Variants in CHMP2B observed in about 807,000 individuals in gnomAD.
CHMP2B encodes charged multivesicular body protein 2B, also known as VPS2 homolog B.
Under a neutral mutation model 29.8 loss-of-function variants are expected in CHMP2B, and 22 were observed. The observed-to-expected ratio is 0.74, with a 90% CI of 0.53 to 1.05. The LOEUF is 1.05. Among genes scored for constraint, CHMP2B ranks in the 50% least tolerant of loss-of-function variants. The pLI is 0.00. For missense variants in CHMP2B, 261 were observed against 252.2 expected, an observed-to-expected ratio of 1.03 and a Z score of -0.24; for synonymous variants, 78 against 75.8, an observed-to-expected ratio of 1.03 and a Z score of -0.15.
chr3:87,237,395 A>G (rs1181360318), intron 1 of CHMP2B, among the ~76,000 whole-genome samples: 3 of 152,232 alleles, frequency 2.0e-5, no homozygotes, highest in Non-Finnish European at 4.4e-5. Context: ...ATCTGAGAAC[A>G]CAGCAAGAAG....
In CHMP2B at chr3:87,255,186, T is replaced by TA. The variant is rs1481000973; in HGVS notation, c.*1365dup. On this transcript the variant is annotated 3_prime_UTR_variant, in exon 6 of 6. Transcript: ENST00000263780. ...GACAAAATACATCTTAGGACTAGTA[T>TA]ACATGTGACACGGATTGCTAGGAGG... is the stretch of plus-strand genomic sequence containing the variant. 3 of 152,204 alleles carry TA rather than the reference T, an allele frequency of 2.0e-5. No homozygotes were observed. Among genetic ancestry groups the TA allele is most frequent in the Admixed American group, 2.0e-4 (3 of 15,242 alleles). The allele number at this position is 152,204 out of a possible 1,614,324, so 9.4% of individuals were successfully genotyped here. A position where few individuals can be genotyped will look rare whatever the true frequency, so the allele number is the denominator to read the frequency against.
chr3:87,250,655 T>C (rs1219158422), intron 4 of CHMP2B, among the ~76,000 whole-genome samples: 1 of 151,984 alleles, frequency 6.6e-6, no homozygotes, highest in African/African-American at 2.4e-5. Context: ...TTTTAAAAAA[T>C]AGCTTTAATA....
chr3:87,251,200 GTAA>G (rs1706308602), intron 4 of CHMP2B, among the ~76,000 whole-genome samples: 1 of 151,688 alleles, frequency 6.6e-6, no homozygotes, highest in Admixed American at 6.6e-5. Context: ...ATTCTTGGTT[GTAA>G]TAATACTGTA....
At chr3:87,230,452 T>A (rs1032723359) in intron 1 of CHMP2B, among the ~76,000 whole-genome samples, 6 of 152,224 alleles carry the variant, frequency 3.9e-5, no homozygotes, top group African/African-American at 1.4e-4. Flanking sequence ...TTATTACTTT[T>A]TTCTTATTAG....
intron 3 of CHMP2B, among the ~76,000 whole-genome samples, chr3:87,249,167 A>G (rs1706268639): frequency 6.6e-6 from 1 of 152,204 alleles, no homozygotes; most frequent in Non-Finnish European, 1.5e-5. Flanking sequence ...TAATGGTTTA[A>G]GTACCTGTGT....
At chr3:87,236,717 C>A (rs552391194) in intron 1 of CHMP2B, among the ~76,000 whole-genome samples, 175 of 152,044 alleles carry the variant, frequency 1.2e-3, no homozygotes, top group African/African-American at 4.1e-3. Flanking sequence ...CAAAAATTAG[C>A]CAGGCATGGT....
intron 4 of CHMP2B, among the ~76,000 whole-genome samples, chr3:87,252,569 A>T (rs1706334742): frequency 6.6e-6 from 1 of 151,832 alleles, no homozygotes; most frequent in South Asian, 2.1e-4. Context: ...TCCCAGTTGG[A>T]TGTGATCTCC....
intron 1 of CHMP2B, among the ~76,000 whole-genome samples, chr3:87,236,536 A>G (rs540380393): frequency 1.3e-5 from 2 of 152,170 alleles, no homozygotes; most frequent in East Asian, 3.9e-4. Flanking sequence ...CTTTCTGAGC[A>G]GTATTGTTGT....
chr3:87,227,325 C>T lies in CHMP2B; in HGVS notation c.-198C>T. ...AAAAAGTGTGTTAGTTCCCGGTCAC[C>T]TGAGCTCCGGGTGACGCGGCTGCGG... On this transcript the variant is annotated 5_prime_UTR_variant, in exon 1 of 6. Transcript: ENST00000263780. 1.6e-6 allele frequency: 1 copy of T among 634,056 alleles called. No individual in the cohort carries two copies. Among genetic ancestry groups the T allele is most frequent in the Non-Finnish European group, 2.8e-6 (1 of 353,938 alleles). 39.3% of individuals were successfully genotyped at this position (634,056 alleles called of 1,614,324 possible).
chr3:87,238,344 A>G (rs1182789038), intron 1 of CHMP2B, among the ~76,000 whole-genome samples: 1 of 152,180 alleles, frequency 6.6e-6, no homozygotes. Flanking sequence ...TCACCTCAAA[A>G]TAAAATCCTG....
rs1706381091 is a variant in CHMP2B, at chr3:87,255,088, T to A, written c.*1266T>A. 6.6e-6 allele frequency: 1 copy of A among 151,992 alleles called. No individual in the cohort carries two copies. The highest frequency in any genetic ancestry group is 2.4e-5 in the African/African-American group (1 of 41,434). The allele number at this position is 151,992 out of a possible 1,614,324, so 9.4% of individuals were successfully genotyped here. ...GTTGTAATATATGGGTTCTAACACA[T>A]CCTACCATAAAAACTGGAGGAGATA... On this transcript the variant is annotated 3_prime_UTR_variant, in exon 6 of 6. Transcript: ENST00000263780.
At position 87,227,407 on chromosome 3, in the gene CHMP2B, C is replaced by T; in HGVS notation, c.-116C>T. Reference sequence around the variant, plus strand: ...GCCTGGCGACCCCGACCTCCTCCTGCTGTCTCTCCGCTCCGCCACCCCGAA... The same window carrying T: ...GCCTGGCGACCCCGACCTCCTCCTGTTGTCTCTCCGCTCCGCCACCCCGAA... On this transcript the variant is annotated 5_prime_UTR_variant, in exon 1 of 6. Coordinates refer to ENST00000263780, the MANE Select transcript of CHMP2B (RefSeq NM_014043.4). 8.3e-7 allele frequency: 1 copy of T among 1,208,360 alleles called. No individual in the cohort carries two copies. The highest frequency in any genetic ancestry group is 1.2e-6 in the Non-Finnish European group (1 of 815,798). The allele number at this position is 1,208,360 out of a possible 1,614,324, so 74.9% of individuals were successfully genotyped here.
intron 1 of CHMP2B, among the ~76,000 whole-genome samples, chr3:87,237,714 C>G (rs1424231119): frequency 6.6e-6 from 1 of 152,100 alleles, no homozygotes; most frequent in Admixed American, 6.5e-5. Flanking sequence ...ATTAAACATT[C>G]CCAGAAGCCT....
At chr3:87,242,640 A>G (rs891343391) in intron 2 of CHMP2B, among the ~76,000 whole-genome samples, 1 of 152,140 alleles carries the variant, frequency 6.6e-6, no homozygotes, top group Non-Finnish European at 1.5e-5. Flanking sequence ...ATTAAGTTTC[A>G]GTATGGTGTC....
intron 3 of CHMP2B, among the ~76,000 whole-genome samples, chr3:87,249,085 G>T (rs1277645204): frequency 6.6e-6 from 1 of 152,040 alleles, no homozygotes; most frequent in Non-Finnish European, 1.5e-5. Context: ...AGCCTACTAC[G>T]CATCTAGGCT....
At chr3:87,246,287 A>G (rs1253244634) in intron 3 of CHMP2B, among the ~76,000 whole-genome samples, 1 of 151,342 alleles carries the variant, frequency 6.6e-6, no homozygotes, top group Non-Finnish European at 1.5e-5. Flanking sequence ...ACAGGCATGC[A>G]CCTCCACACC....
At chr3:87,248,320 C>T (rs750680278) in intron 3 of CHMP2B, among the ~76,000 whole-genome samples, 5 of 150,488 alleles carry the variant, frequency 3.3e-5, no homozygotes, top group African/African-American at 4.9e-5. Flanking sequence ...AGAGAGAGAA[C>T]GTTTCGGTAT....
chr3:87,236,418 GA>G (rs199638463), intron 1 of CHMP2B, among the ~76,000 whole-genome samples: 2 of 150,660 alleles, frequency 1.3e-5, no homozygotes, highest in South Asian at 2.1e-4. Context: ...CCCTCGTAAT[GA>G]AAAAAAAATG....
chr3:87,240,622 T>G, intron 1 of CHMP2B, 77 bp from the exon 2 acceptor site: 1 of 1,015,556 alleles, frequency 9.8e-7, no homozygotes. Flanking sequence ...TAAATCATGA[T>G]CTGTGAATCC....
Sources: allele counts gnomAD v4.1 joint callset (sites outside exome capture counted in the v4.1 genomes callset), GRCh38; gene constraint gnomAD v4.1.1; transcripts MANE v1.5; gene names NCBI Gene and HGNC (gene_info 2026-07-23, HGNC 2026-07-21).